The following R3HCC1 variants were observed in gnomAD, a reference collection of about 807,000 sequenced individuals.
The protein encoded by R3HCC1 is R3H and coiled-coil domain-containing protein 1.
R3HCC1 carries 32 observed loss-of-function variants against 40.0 expected under a neutral mutation model. The observed-to-expected ratio is 0.80, with a 90% confidence interval of 0.60 to 1.07. The LOEUF is 1.07. Ranked by LOEUF, R3HCC1 falls within the 50% of genes least tolerant of loss-of-function variation. The pLI is 0.00. For missense variants in R3HCC1, 586 were observed against 563.3 expected, an observed-to-expected ratio of 1.04 and a Z score of -0.41; for synonymous variants, 237 against 232.8, an observed-to-expected ratio of 1.02 and a Z score of -0.17.
chr8:23,292,327 G>T (rs1331036262), intron 5 of R3HCC1, among the ~76,000 whole-genome samples: 4 of 152,102 alleles, frequency 2.6e-5, no homozygotes, highest in Admixed American at 2.6e-4. Context: ...TTCTGTGGCT[G>T]GGCACGGTGG....
Position 23,290,444 on chromosome 8 carries a change from A to G in R3HCC1, c.827A>G (p.Asp276Gly), listed in dbSNP as rs1235996587. Reference sequence around the variant, plus strand: ...GATGGCCCCAGCAGCTGCTCGGAGGACGATTACAGTGAGCTGCTGCAGGAG... The same window carrying G: ...GATGGCCCCAGCAGCTGCTCGGAGGGCGATTACAGTGAGCTGCTGCAGGAG... The change falls in exon 4 of 8, where the codon GAC becomes GGC. Residue 276 changes from aspartate to glycine, a missense_variant. Asp to Gly is a moderately conservative substitution (Grantham distance 94, BLOSUM62 -1). Transcript: ENST00000265806. 3.2e-6 allele frequency: 5 copies of G among 1,550,774 alleles called. No individual in the cohort carries two copies.
In R3HCC1 at chr8:23,295,781, GGGCCA is replaced by G. The variant is rs1802998342; in HGVS notation, c.1193-183_1193-179del. Among the ~76,000 whole-genome samples, 3 of 152,350 alleles carry G rather than the reference GGGCCA, an allele frequency of 2.0e-5. No individual in the cohort carries two copies. The East Asian group carries it at 5.8e-4, about 29-fold the overall frequency. ...CAAGTTTGGGTCAGCATCCCCTGGG[GGGCCA>G]GGATCCCTAAGTTGGCCCCCTCTCA... is the stretch of plus-strand genomic sequence containing the variant. On this transcript the variant is annotated intron_variant, in intron 7 of 7. Coordinates refer to ENST00000265806, the MANE Select transcript of R3HCC1 (RefSeq NM_001136108.3).
chr8:23,295,431 G>A (rs985813511), intron 7 of R3HCC1: 9 of 456,652 alleles, frequency 2.0e-5, no homozygotes, highest in Admixed American at 9.4e-5. Context: ...AACCGTTATA[G>A]CGCCTCCTTT....
rs923768744 is a variant in R3HCC1, at chr8:23,294,936, C to CGTGT, written c.1192+81_1192+84dup. On this transcript the variant is annotated intron_variant, in intron 7 of 7. Transcript: ENST00000265806. ...GTGCGTGCGAGCATGTGTGTGTGTG[C>CGTGT]GTGTGTGTGTGTCTGGTTTGGGCAG... The CGTGT allele has an allele frequency of 1.4e-5, 15 of 1,040,456 alleles. No homozygotes were observed. In the Admixed American group the frequency reaches 2.8e-4, roughly 20 times the overall value. The allele number at this position is 1,040,456 out of a possible 1,614,324, so 64.5% of individuals were successfully genotyped here.
At chr8:23,295,846 C>G in intron 7 of R3HCC1, 121 bp from the exon 8 acceptor site, 1 of 1,347,954 alleles carries the variant, frequency 7.4e-7, no homozygotes, top group Non-Finnish European at 9.9e-7. Flanking sequence ...ACAGCTGGGC[C>G]GAGGCCCCAC....
At position 23,291,549 on chromosome 8, in the gene R3HCC1, G is replaced by A; in HGVS notation, c.1025+16G>A. The A allele has an allele frequency of 1.3e-6, 2 of 1,549,692 alleles. No homozygotes were observed. The highest frequency in any genetic ancestry group is 1.7e-6 in the Non-Finnish European group (2 of 1,146,490). ...CTGAGTTCCAGTGAGTGGTGGCTGGGGAGGTGCTGCCTTCAGAGAGGAGCT... is the reference window on the plus strand; with the variant it reads ...CTGAGTTCCAGTGAGTGGTGGCTGGAGAGGTGCTGCCTTCAGAGAGGAGCT... On this transcript the variant is annotated intron_variant, in intron 5 of 7. Transcript: ENST00000265806.
intron 4 of R3HCC1, 47 bp from the exon 5 acceptor site, chr8:23,291,314 G>T (rs979366495): frequency 6.5e-7 from 1 of 1,530,514 alleles, no homozygotes; most frequent in East Asian, 2.5e-5. Context: ...TGGTTTGGGA[G>T]CTCTGCGTGT....
Position 23,296,001 on chromosome 8 carries a change from A to G in R3HCC1, c.1227A>G (p.Thr409=), listed in dbSNP as rs537621991. 202 of 1,550,972 alleles carry G rather than the reference A, an allele frequency of 1.3e-4. No homozygotes were observed. The highest frequency in any genetic ancestry group is 6.1e-4 in the South Asian group (51 of 84,056). The change falls in exon 8 of 8, where the codon ACA becomes ACG. Residue 409 remains threonine, a synonymous_variant. Coordinates refer to ENST00000265806, the MANE Select transcript of R3HCC1 (RefSeq NM_001136108.3). ...GTCTGGTGAAGGAGAGGCCACAGACAAATGCGACTGTGGCCCGGCGGCTGG... is the reference window on the plus strand; with the variant it reads ...GTCTGGTGAAGGAGAGGCCACAGACGAATGCGACTGTGGCCCGGCGGCTGG...
chr8:23,288,365 C>CG, intron 1 of R3HCC1, 141 bp from the exon 2 acceptor site: 1 of 1,274,188 alleles, frequency 7.8e-7, no homozygotes. Context: ...CCTGACTTGC[C>CG]GGGGGTCCCT....
At chr8:23,289,331 T>C (rs966930988) in intron 3 of R3HCC1, among the ~76,000 whole-genome samples, 178 bp downstream of exon 3, 9 of 152,246 alleles carry the variant, frequency 5.9e-5, no homozygotes, top group Non-Finnish European at 7.3e-5. Flanking sequence ...GGAGCAGATA[T>C]GCAGTTTGTG....
chr8:23,293,955 A>G (rs1447712599), intron 6 of R3HCC1, among the ~76,000 whole-genome samples: 1 of 152,036 alleles, frequency 6.6e-6, no homozygotes, highest in Non-Finnish European at 1.5e-5. Flanking sequence ...GCCCTGCCAC[A>G]CCACCGTGCT....
chr8:23,290,113 G>A lies in R3HCC1; in HGVS notation c.496G>A (p.Asp166Asn). The change falls in exon 4 of 8, where the codon GAC (aspartate) becomes AAC (asparagine). Residue 166 changes from aspartate (D) to asparagine (N), a missense_variant. Coordinates refer to ENST00000265806, the MANE Select transcript of R3HCC1 (RefSeq NM_001136108.3). The stretch of plus-strand genomic sequence containing the variant: ...CAAGAGAGAGGCCCCAGCTGGCAGG[G>A]ACCCAGAAGAGCCTGGAGATGTTGG... 6.4e-7 allele frequency: 1 copy of A among 1,551,060 alleles called. No individual in the cohort carries two copies. The highest frequency in any genetic ancestry group is 8.7e-7 in the Non-Finnish European group (1 of 1,147,004).
At chr8:23,293,226 G>C (rs2117124950) in intron 5 of R3HCC1, 77 bp from the exon 6 acceptor site, 20 of 1,216,282 alleles carry the variant, frequency 1.6e-5, no homozygotes, top group Non-Finnish European at 2.2e-5. Context: ...GGAGGCGAGG[G>C]GGTGTGGCTG....
At chr8:23,289,197 G>C (rs1209180857) in intron 3 of R3HCC1, 44 bp downstream of exon 3, 1 of 1,528,780 alleles carries the variant, frequency 6.5e-7, no homozygotes, top group Admixed American at 2.0e-5. Flanking sequence ...GGTGGTGTGT[G>C]GGTGGCCAGC....
chr8:23,293,841 A>C (rs1422872812), intron 6 of R3HCC1, among the ~76,000 whole-genome samples: 1 of 152,140 alleles, frequency 6.6e-6, no homozygotes, highest in African/African-American at 2.4e-5. Flanking sequence ...CCAGAGTGTC[A>C]GGGGTACACT....
At position 23,293,382 on chromosome 8, in the gene R3HCC1, C is replaced by A. The variant is rs1250231889; in HGVS notation, c.1096+9C>A. 2.6e-6 allele frequency: 4 copies of A among 1,547,040 alleles called. No homozygotes were observed. Among genetic ancestry groups the A allele is most frequent in the Non-Finnish European group, 2.6e-6 (3 of 1,143,280 alleles). ...TCCCTGCCTGGCCTCAGGTAAGGCA[C>A]CCCCAGTGGGCCCAGCCCTTGCTCG... On this transcript the variant is annotated intron_variant, in intron 6 of 7. Coordinates refer to ENST00000265806, the MANE Select transcript of R3HCC1 (RefSeq NM_001136108.3).
At position 23,288,117 on chromosome 8, in the gene R3HCC1, T is replaced by C. The variant is rs749521974; in HGVS notation, c.-59T>C. On this transcript the variant is annotated 5_prime_UTR_variant, in exon 1 of 8. Transcript: ENST00000265806. Reference sequence around the variant, plus strand: ...TAGGGCGCTCGGGCGCGCTGGCCCCTGGGGACGCCGAGGGCGGCTGCGACG... The same window carrying C: ...TAGGGCGCTCGGGCGCGCTGGCCCCCGGGGACGCCGAGGGCGGCTGCGACG... 74 of 1,263,266 alleles carry C rather than the reference T, an allele frequency of 5.9e-5. No homozygotes were observed. The South Asian group carries it at 9.1e-4, about 16-fold the overall frequency. 78.3% of individuals were successfully genotyped at this position (1,263,266 alleles called of 1,614,324 possible). A position where few individuals can be genotyped will look rare whatever the true frequency, so the allele number is the denominator to read the frequency against.
intron 5 of R3HCC1, among the ~76,000 whole-genome samples, chr8:23,292,088 C>T (rs1448321065): frequency 6.6e-6 from 1 of 152,094 alleles, no homozygotes; most frequent in African/African-American, 2.4e-5. Context: ...TCTCATTTTG[C>T]CTTCTCCCCT....
At chr8:23,290,980 C>T (rs1433011161) in intron 4 of R3HCC1, 3 of 211,454 alleles carry the variant, frequency 1.4e-5, no homozygotes, top group Non-Finnish European at 2.9e-5. Flanking sequence ...TATCACATCA[C>T]TAGTAGAGGA....
Sources: allele counts gnomAD v4.1 joint callset (sites outside exome capture counted in the v4.1 genomes callset), GRCh38; gene constraint gnomAD v4.1.1; transcripts MANE v1.5; gene names NCBI Gene and HGNC (gene_info 2026-07-23, HGNC 2026-07-21).